Variants in KLHDC4 observed in about 807,000 individuals in gnomAD.
KLHDC4 encodes the protein kelch domain-containing protein 4.
Under a neutral mutation model 62.4 loss-of-function variants are expected in KLHDC4, and 90 were observed. That is an observed-to-expected ratio of 1.44 (90% CI 1.22 to 1.72). The LOEUF is 1.72. Among genes scored for constraint, KLHDC4 ranks in the 40% most tolerant of loss-of-function variants. The pLI is 0.00. For missense variants in KLHDC4, 1,025 were observed against 699.7 expected (o/e 1.47, Z -5.25); for synonymous variants, 386 against 284.4 (o/e 1.36, Z -3.59).
chr16:87,716,053 G>T (rs1295282138), intron 7 of KLHDC4, among the ~76,000 whole-genome samples: 1 of 152,220 alleles, frequency 6.6e-6, no homozygotes, highest in Non-Finnish European at 1.5e-5. Flanking sequence ...ATGTCTCGTA[G>T]ATATTGACAC....
At chr16:87,731,266 T>C (rs1009230725) in intron 5 of KLHDC4, among the ~76,000 whole-genome samples, 5 of 151,698 alleles carry the variant, frequency 3.3e-5, no homozygotes, top group Non-Finnish European at 7.4e-5. Flanking sequence ...GGTTTCACCA[T>C]GTTGGCCAGG....
At chr16:87,698,317 T>C (rs530518283) in exon 1 of KLHDC4, 21 of 152,370 alleles carry the variant, frequency 1.4e-4, no homozygotes, top group African/African-American at 4.3e-4. Flanking sequence ...TTCCATCTTT[T>C]AGTAGCAAGT....
Position 87,759,743 on chromosome 16 carries a change from A to G in KLHDC4, c.191+2206T>C, listed in dbSNP as rs187504823. Among the ~76,000 whole-genome samples the G allele has an allele frequency of 2.0e-4, 30 of 151,810 alleles. 1 individual carries two copies. The East Asian group carries it at 5.6e-3, about 28-fold the overall frequency. On this transcript the variant is annotated intron_variant, in intron 2 of 11. Coordinates refer to ENST00000270583, the MANE Select transcript of KLHDC4 (RefSeq NM_017566.4). ...CAACAAGAGCTACACTCCGTCTCAGAAAAAAAAATAAAGAGTGTTTCCCAA... is the reference window on the plus strand; with the variant it reads ...CAACAAGAGCTACACTCCGTCTCAGGAAAAAAAATAAAGAGTGTTTCCCAA...
chr16:87,728,095 G>A (rs1002994927), intron 6 of KLHDC4, among the ~76,000 whole-genome samples: 11 of 152,170 alleles, frequency 7.2e-5, no homozygotes, highest in Non-Finnish European at 1.5e-4. Context: ...GCTGAGGCAC[G>A]AGAATAGTTT....
intron 2 of KLHDC4, among the ~76,000 whole-genome samples, chr16:87,761,607 G>C (rs1201149751): frequency 6.6e-6 from 1 of 152,218 alleles, no homozygotes; most frequent in Non-Finnish European, 1.5e-5. Context: ...GTGATTTTCA[G>C]CTTTCTGCCT....
intron 6 of KLHDC4, among the ~76,000 whole-genome samples, chr16:87,729,998 G>C (rs2040055982): frequency 6.6e-6 from 1 of 152,094 alleles, no homozygotes; most frequent in Non-Finnish European, 1.5e-5. Context: ...TTGTCACCCA[G>C]GCTGGAGTTC....
intron 3 of KLHDC4, 181 bp from the exon 4 acceptor site, chr16:87,755,473 A>C: frequency 1.1e-4 from 48 of 455,512 alleles, no homozygotes; most frequent in East Asian, 2.6e-4. Flanking sequence ...ACACAATGAA[A>C]ACGACCGAAC....
At chr16:87,765,694 G>C in intron 1 of KLHDC4, 98 bp downstream of exon 1, 1 of 1,193,028 alleles carries the variant, frequency 8.4e-7, no homozygotes, top group Non-Finnish European at 1.1e-6. Flanking sequence ...GGCCGGCGCG[G>C]CTCCCACGGC....
chr16:87,743,432 G>C (rs141118862), intron 5 of KLHDC4, among the ~76,000 whole-genome samples: 41 of 152,136 alleles, frequency 2.7e-4, no homozygotes, highest in African/African-American at 7.9e-4. Flanking sequence ...TTTTAAACTT[G>C]ACTGAATATT....
chr16:87,715,396 T>C (rs1349357003), intron 7 of KLHDC4, among the ~76,000 whole-genome samples: 1 of 152,100 alleles, frequency 6.6e-6, no homozygotes, highest in East Asian at 1.9e-4. Context: ...TTGTGACGGA[T>C]CAGGAACCGG....
downstream of KLHDC4, among the ~76,000 whole-genome samples, chr16:87,707,262 ACACCTGGTGG>A (rs1018586895): frequency 2.0e-5 from 3 of 152,168 alleles, no homozygotes; most frequent in African/African-American, 7.2e-5. Context: ...CTGGATGGGG[ACACCTGGTGG>A]CAGCCATGTG....
intron 6 of KLHDC4, among the ~76,000 whole-genome samples, chr16:87,728,199 G>T (rs930249236): frequency 6.6e-6 from 1 of 152,054 alleles, no homozygotes; most frequent in Admixed American, 6.6e-5. Context: ...AAAGAAGAAA[G>T]AAAAGATAAC....
chr16:87,720,277 G>T (rs374612285), intron 7 of KLHDC4, among the ~76,000 whole-genome samples: 1 of 152,284 alleles, frequency 6.6e-6, no homozygotes, highest in East Asian at 1.9e-4. Context: ...CAGTGCTAAC[G>T]GCAGCACTGA....
chr16:87,762,116 T>G (rs2045979924), intron 1 of KLHDC4, 76 bp from the exon 2 acceptor site: 2 of 1,587,824 alleles, frequency 1.3e-6, no homozygotes, highest in Non-Finnish European at 1.7e-6. Context: ...TCAGCTTTCC[T>G]CCAATCAGTG....
intron 5 of KLHDC4, chr16:87,741,053 C>A (rs528752401): frequency 3.3e-5 from 5 of 152,282 alleles, no homozygotes; most frequent in Admixed American, 2.6e-4. Flanking sequence ...GCCATTACCC[C>A]CCTCATTTCC....
intron 8 of KLHDC4, among the ~76,000 whole-genome samples, chr16:87,711,808 C>T (rs960894204): frequency 6.7e-6 from 1 of 150,254 alleles, no homozygotes; most frequent in Non-Finnish European, 1.5e-5. Flanking sequence ...CCGCCCGGCA[C>T]GGGGACCCTT....
chr16:87,737,909 G>C (rs760561611), intron 5 of KLHDC4, among the ~76,000 whole-genome samples: 1 of 152,142 alleles, frequency 6.6e-6, no homozygotes, highest in African/African-American at 2.4e-5. Context: ...CTAAGTACAT[G>C]TGGGTCCCAC....
At chr16:87,704,323 G>C (rs925741988), downstream of KLHDC4, among the ~76,000 whole-genome samples, 4 of 149,812 alleles carry the variant, frequency 2.7e-5, no homozygotes, top group African/African-American at 7.4e-5. Context: ...GGAGGCGCCT[G>C]GGGAGGGCCC....
intron 7 of KLHDC4, among the ~76,000 whole-genome samples, chr16:87,724,504 C>T (rs1436664444): frequency 1.3e-5 from 2 of 152,152 alleles, no homozygotes; most frequent in African/African-American, 4.8e-5. Context: ...CCTTCTGCAA[C>T]TCACTAACAA....
Sources: allele counts gnomAD v4.1 joint callset (sites outside exome capture counted in the v4.1 genomes callset), GRCh38; gene constraint gnomAD v4.1.1; transcripts MANE v1.5; gene names NCBI Gene and HGNC (gene_info 2026-07-23, HGNC 2026-07-21).